The following LMO7 variants were observed in gnomAD, a reference collection of about 807,000 sequenced individuals.
The protein encoded by LMO7 is LIM domain 7.
Under a neutral mutation model 206.5 loss-of-function variants are expected in LMO7, and 120 were observed. That is an observed-to-expected ratio of 0.58 (90% CI 0.50 to 0.68). LMO7 has a LOEUF of 0.68. Ranked by LOEUF, LMO7 falls within the 30% of genes least tolerant of loss-of-function variation. LMO7 has a pLI of 0.00. For synonymous variants in LMO7, 706 were observed against 681.5 expected (o/e 1.04, Z -0.56); for missense variants, 1,959 against 1,957.9 (o/e 1.00, Z -0.01).
At chr13:75,654,436 G>C (rs970050417) in intron 1 of LMO7, among the ~76,000 whole-genome samples, 2 of 152,106 alleles carry the variant, frequency 1.3e-5, no homozygotes, top group Admixed American at 6.6e-5. Flanking sequence ...CGTCCCACTG[G>C]TCAAATCCAA....
At chr13:75,844,149 T>C (rs1270037859) in intron 25 of LMO7, among the ~76,000 whole-genome samples, 1 of 152,128 alleles carries the variant, frequency 6.6e-6, no homozygotes, top group Non-Finnish European at 1.5e-5. Context: ...TATGAATACC[T>C]GCAGGCAGTC....
At chr13:75,723,908 C>T (rs2044241550) in intron 2 of LMO7, among the ~76,000 whole-genome samples, 1 of 152,102 alleles carries the variant, frequency 6.6e-6, no homozygotes, top group South Asian at 2.1e-4. Flanking sequence ...AAGATCATGG[C>T]ACTGGCATAT....
chr13:75,776,195 ATATATATAT>A (rs2050458158), intron 4 of LMO7, among the ~76,000 whole-genome samples: 4 of 104,156 alleles, frequency 3.8e-5, no homozygotes, highest in Admixed American at 1.0e-4. Context: ...ATATATATAT[ATATATATAT>A]AACGTTAAGT....
intron 3 of LMO7, among the ~76,000 whole-genome samples, chr13:75,732,877 C>T (rs534953958): frequency 1.3e-3 from 197 of 152,304 alleles, no homozygotes; most frequent in South Asian, 2.9e-3. Context: ...TTGGAGTTTG[C>T]TAGAGGTCCA....
At chr13:75,684,393 CACCATGT>C (rs1426579403) in intron 1 of LMO7, among the ~76,000 whole-genome samples, 2 of 147,470 alleles carry the variant, frequency 1.4e-5, no homozygotes, top group African/African-American at 5.0e-5. Context: ...AGGCATGTGC[CACCATGT>C]CTGGCTAATT....
At chr13:75,736,155 T>G (rs927247853) in intron 3 of LMO7, among the ~76,000 whole-genome samples, 3 of 152,260 alleles carry the variant, frequency 2.0e-5, no homozygotes, top group Non-Finnish European at 4.4e-5. Flanking sequence ...CTTCAGAAAT[T>G]CTATCTAGTT....
intron 1 of LMO7, among the ~76,000 whole-genome samples, chr13:75,708,287 G>C (rs2042808451): frequency 1.3e-5 from 2 of 152,190 alleles, no homozygotes; most frequent in African/African-American, 2.4e-5. Flanking sequence ...ATTTGAACTT[G>C]CTTTGGTCAG....
intron 2 of LMO7, among the ~76,000 whole-genome samples, chr13:75,719,626 C>T (rs1219709313): frequency 2.6e-5 from 4 of 152,254 alleles, no homozygotes; most frequent in South Asian, 2.1e-4. Context: ...TTCTCTGCCA[C>T]GGTAGGACCC....
intron 2 of LMO7, among the ~76,000 whole-genome samples, chr13:75,724,233 T>C (rs1438786381): frequency 6.6e-6 from 1 of 152,144 alleles, no homozygotes; most frequent in Non-Finnish European, 1.5e-5. Flanking sequence ...AACTGTCAGA[T>C]TACTAGGTGC....
At chr13:75,819,274 G>T in intron 12 of LMO7, 119 bp from the exon 13 acceptor site, 1 of 1,223,074 alleles carries the variant, frequency 8.2e-7, no homozygotes, top group Non-Finnish European at 1.1e-6. Context: ...AGGGCACCTT[G>T]GCATCCAGTT....
In LMO7 at chr13:75,836,389, CT is replaced by C; in HGVS notation, c.3334-5del. On this transcript the variant is annotated splice_region_variant and splice_polypyrimidine_tract_variant and intron_variant, in intron 18 of 30. Transcript: ENST00000377534. ...GAGAATATTAACTAGCATTTTTACC[CT>C]TTCCAGAATATTGAATCCAAAGAAA... 1 of 1,511,060 alleles carries C rather than the reference CT, an allele frequency of 6.6e-7. No individual in the cohort carries two copies. The highest frequency in any genetic ancestry group is 1.9e-5 in the Admixed American group (1 of 54,040). The allele number at this position is 1,511,060 out of a possible 1,614,324, so 93.6% of individuals were successfully genotyped here.
intron 4 of LMO7, among the ~76,000 whole-genome samples, chr13:75,783,374 A>G (rs2140374169): frequency 6.6e-6 from 1 of 152,268 alleles, no homozygotes; most frequent in Admixed American, 6.5e-5. Context: ...AGGCTGAAGC[A>G]TGCAGTGGTG....
chr13:75,809,881 G>T (rs914196247), intron 11 of LMO7, among the ~76,000 whole-genome samples: 1 of 147,288 alleles, frequency 6.8e-6, no homozygotes, highest in Non-Finnish European at 1.5e-5. Context: ...GCCCAGGCTG[G>T]AGTGAAGTGG....
chr13:75,716,238 G>A (rs998400495), intron 2 of LMO7, among the ~76,000 whole-genome samples: 2 of 152,066 alleles, frequency 1.3e-5, no homozygotes, highest in Non-Finnish European at 2.9e-5. Context: ...TCAAAAGTTC[G>A]AATAGCTTAT....
chr13:75,723,265 A>G (rs1323006685), intron 2 of LMO7, among the ~76,000 whole-genome samples: 3 of 152,348 alleles, frequency 2.0e-5, no homozygotes, highest in African/African-American at 7.2e-5. Context: ...ATATCTTTAA[A>G]ACTTTAGTTA....
At chr13:75,809,878 C>T (rs1411357057) in intron 11 of LMO7, among the ~76,000 whole-genome samples, 1 of 138,286 alleles carries the variant, frequency 7.2e-6, no homozygotes, top group Non-Finnish European at 1.5e-5. Context: ...GTCGCCCAGG[C>T]TGGAGTGAAG....
chr13:75,776,301 A>T (rs1249937711), intron 4 of LMO7, among the ~76,000 whole-genome samples: 5 of 148,676 alleles, frequency 3.4e-5, no homozygotes, highest in African/African-American at 9.9e-5. Flanking sequence ...ACCAGGAAGG[A>T]CTTATCTCGA....
At chr13:75,634,620 G>C (rs1436678467), upstream of LMO7, among the ~76,000 whole-genome samples, 3 of 152,170 alleles carry the variant, frequency 2.0e-5, no homozygotes, top group Non-Finnish European at 4.4e-5. Context: ...ACGGGCGCCT[G>C]TAGTCCCAGC....
At chr13:75,640,014 G>A (rs2036365471) in intron 1 of LMO7, among the ~76,000 whole-genome samples, 2 of 152,110 alleles carry the variant, frequency 1.3e-5, no homozygotes, top group African/African-American at 4.8e-5. Flanking sequence ...TTATCCTTCG[G>A]GGATGTGCTG....
Sources: gnomAD v4.1 joint callset for allele counts (sites outside exome capture counted in the v4.1 genomes callset) on GRCh38, gnomAD v4.1.1 for gene constraint, MANE v1.5 for transcripts, NCBI Gene and HGNC (gene_info 2026-07-23, HGNC 2026-07-21) for gene names.